Variants in CASZ1 observed in about 807,000 individuals in gnomAD.
CASZ1 encodes zinc finger protein castor homolog 1.
CASZ1 carries 28 observed loss-of-function variants against 135.2 expected under a neutral mutation model. The ratio of observed to expected loss-of-function variants is 0.21; its 90% confidence interval spans 0.15 to 0.28. The LOEUF is 0.28. CASZ1 is among the 10% of genes least tolerant of loss of function. The probability of loss-of-function intolerance (pLI) is 1.00; values close to 1 mark genes in which losing one functional copy is unlikely to be tolerated. For synonymous variants in CASZ1, 1,068 were observed against 1,073.4 expected (o/e 0.99, Z 0.10); for missense variants, 2,161 against 2,453.3 (o/e 0.88, Z 2.52).
intron 4 of CASZ1, among the ~76,000 whole-genome samples, chr1:10,687,188 A>G (rs1638620744): frequency 6.6e-6 from 1 of 152,054 alleles, no homozygotes; most frequent in Non-Finnish European, 1.5e-5. Context: ...GTCCCTCCCA[A>G]GGCCCCCTTA....
At chr1:10,650,460 G>GA (rs1642530844) in intron 13 of CASZ1, 2 of 428,358 alleles carry the variant, frequency 4.7e-6, no homozygotes, top group Non-Finnish European at 8.2e-6. Context: ...CATCTGAAGG[G>GA]AAAAAAAGGT....
intron 4 of CASZ1, among the ~76,000 whole-genome samples, chr1:10,675,607 G>C (rs905580554): frequency 6.6e-6 from 1 of 152,124 alleles, no homozygotes; most frequent in Non-Finnish European, 1.5e-5. Flanking sequence ...CCGACACTGC[G>C]GGCATTAGGA....
In CASZ1 at chr1:10,709,394, G is replaced by A. The variant is rs919329590; in HGVS notation, c.-76-3850C>T. On this transcript the variant is annotated intron_variant, in intron 2 of 20. Coordinates refer to ENST00000377022, the MANE Select transcript of CASZ1 (RefSeq NM_001079843.3). This position sits in a 1 kb window ranked among gnomAD's most constrained non-coding sequence, Gnocchi z 5.1. Reference sequence around the variant, plus strand: ...TCAGCCCGGCAGTGTGAGGAGGGGGGCGGCATAGACAACAGGGGCAGCGTC... The same window carrying A: ...TCAGCCCGGCAGTGTGAGGAGGGGGACGGCATAGACAACAGGGGCAGCGTC... Among the ~76,000 whole-genome samples the A allele has an allele frequency of 2.3e-4, 35 of 152,178 alleles. No individual in the cohort carries two copies. The highest frequency in any genetic ancestry group is 4.3e-4 in the Non-Finnish European group (29 of 68,034).
intron 2 of CASZ1, 52 bp downstream of exon 2, chr1:10,760,649 A>T (rs1294950889): frequency 6.6e-6 from 1 of 152,306 alleles, no homozygotes; most frequent in African/African-American, 2.4e-5. Flanking sequence ...GCAACCCCCA[A>T]ACTGGCCACC....
chr1:10,736,403 C>T (rs997189592), intron 2 of CASZ1, among the ~76,000 whole-genome samples: 4 of 152,188 alleles, frequency 2.6e-5, no homozygotes, highest in Admixed American at 6.5e-5. Flanking sequence ...ACCCCGAACC[C>T]GGGGAGTCCT....
intron 2 of CASZ1, among the ~76,000 whole-genome samples, chr1:10,745,390 A>G (rs1268372146): frequency 2.5e-5 from 3 of 120,710 alleles, no homozygotes; most frequent in African/African-American, 1.4e-4. Flanking sequence ...CCACAGTACC[A>G]GGGACACGAA....
At chr1:10,761,288 G>A (rs895074309) in intron 1 of CASZ1, among the ~76,000 whole-genome samples, 1 of 152,198 alleles carries the variant, frequency 6.6e-6, no homozygotes, top group Non-Finnish European at 1.5e-5. Flanking sequence ...GCTCCCCAAC[G>A]CCTGCTCCCT....
At chr1:10,773,872 G>A (rs1306003115) in intron 1 of CASZ1, among the ~76,000 whole-genome samples, 2 of 152,240 alleles carry the variant, frequency 1.3e-5, no homozygotes, top group African/African-American at 4.8e-5. Flanking sequence ...GCTGAGAAGA[G>A]GCCGCAGGGT....
rs144114370 is a variant in CASZ1 at position 10,653,933 on chromosome 1, C to G, written c.2124G>C (p.Ser708=). ...GCTCCGTGTCCTTGGCGCCCAGCAGCGAGGGCGGCAGCCCCAGCGCGCCCG... is the reference window on the plus strand; with the variant it reads ...GCTCCGTGTCCTTGGCGCCCAGCAGGGAGGGCGGCAGCCCCAGCGCGCCCG... ...RSSGALGLPP[S]LLGAKDTEHE... Residue 708 remains serine (S), a synonymous_variant, in exon 11 of 21, where the codon TCG becomes TCC. Coordinates refer to ENST00000377022, the MANE Select transcript of CASZ1 (RefSeq NM_001079843.3). 2.5e-6 allele frequency: 4 copies of G among 1,613,436 alleles called. No individual in the cohort carries two copies. The highest frequency in any genetic ancestry group is 3.4e-6 in the Non-Finnish European group (4 of 1,179,732).
intron 4 of CASZ1, among the ~76,000 whole-genome samples, chr1:10,670,775 T>C (rs1411646649): frequency 1.3e-5 from 2 of 152,254 alleles, no homozygotes; most frequent in Admixed American, 1.3e-4. Context: ...TCCTCCCTCC[T>C]CTACCTCACA....
chr1:10,742,849 G>A (rs1446060099), intron 2 of CASZ1, among the ~76,000 whole-genome samples: 1 of 152,126 alleles, frequency 6.6e-6, no homozygotes, highest in East Asian at 1.9e-4. Flanking sequence ...GCCAGGCATG[G>A]TGGCACACGC....
chr1:10,672,019 C>T (rs1643416914), intron 4 of CASZ1, among the ~76,000 whole-genome samples: 2 of 152,178 alleles, frequency 1.3e-5, no homozygotes, highest in African/African-American at 4.8e-5. Context: ...CTCCTGGCAT[C>T]TGCTCTAGGT....
At chr1:10,664,970 C>T (rs983337814) in intron 5 of CASZ1, 113 bp downstream of exon 5, 2 of 1,217,868 alleles carry the variant, frequency 1.6e-6, no homozygotes, top group South Asian at 2.5e-5. Context: ...GGATGAGGGG[C>T]CGGTATTTAG....
At position 10,725,724 on chromosome 1, in the gene CASZ1, T is replaced by G. The variant is rs528129160; in HGVS notation, c.-76-20180A>C. 9.9e-5 allele frequency among the ~76,000 whole-genome samples: 15 copies of G among 152,070 alleles called. 1 individual carries two copies. The highest frequency in any genetic ancestry group is 3.4e-4 in the African/African-American group (14 of 41,484). On this transcript the variant is annotated intron_variant, in intron 2 of 20. Transcript: ENST00000377022. The surrounding 1 kb of genome is among the most constrained non-coding windows in gnomAD (Gnocchi z 4.4). ...GCCAGGTTCTGGAAAGCCCTTTTTT[T>G]TTTTTTACTAGGAGACCCCAGAGAG...
rs551424936 is a variant in CASZ1, at chr1:10,719,331, C to T, written c.-76-13787G>A. ...TTTCTCTTCTATTTGAATCAAAAGC[C>T]CTCATTCTTTTGACCGTACCCCACT... On this transcript the variant is annotated intron_variant, in intron 2 of 20. Coordinates refer to ENST00000377022, the MANE Select transcript of CASZ1 (RefSeq NM_001079843.3). This position sits in a 1 kb window ranked among gnomAD's most constrained non-coding sequence, Gnocchi z 4.0. Among the ~76,000 whole-genome samples, 6 of 152,284 alleles carry T rather than the reference C, an allele frequency of 3.9e-5. No individual in the cohort carries two copies. The South Asian group carries it at 8.3e-4, about 21-fold the overall frequency.
At chr1:10,766,478 G>A (rs762293712) in intron 1 of CASZ1, among the ~76,000 whole-genome samples, 12 of 152,142 alleles carry the variant, frequency 7.9e-5, no homozygotes, top group Non-Finnish European at 7.3e-5. Context: ...AAGTACCCTC[G>A]ACCAAGTAGG....
chr1:10,694,234 G>A lies in CASZ1; in HGVS notation c.-23-322C>T, dbSNP rs546832506. Reference sequence around the variant, plus strand: ...GCCCCCGTCCCGCCGACCGCGCCCCGCGCCCGGGTCGCCGCCCGAGACCGC... The same window carrying A: ...GCCCCCGTCCCGCCGACCGCGCCCCACGCCCGGGTCGCCGCCCGAGACCGC... On this transcript the variant is annotated intron_variant, in intron 3 of 20. Transcript: ENST00000377022. This position sits in a 1 kb window ranked among gnomAD's most constrained non-coding sequence, Gnocchi z 6.6. The A allele has an allele frequency of 4.7e-5, 34 of 721,850 alleles. No homozygotes were observed. The African/African-American group carries it at 6.6e-4, about 14-fold the overall frequency. The allele number at this position is 721,850 out of a possible 1,614,324, so 44.7% of individuals were successfully genotyped here. A position where few individuals can be genotyped will look rare whatever the true frequency, so the allele number is the denominator to read the frequency against.
At chr1:10,730,116 T>C (rs1274903884) in intron 2 of CASZ1, among the ~76,000 whole-genome samples, 1 of 151,580 alleles carries the variant, frequency 6.6e-6, no homozygotes, top group African/African-American at 2.4e-5. Flanking sequence ...TATTTATTTA[T>C]TTATTTATTT....
chr1:10,691,534 C>T (rs1638767079), intron 4 of CASZ1, among the ~76,000 whole-genome samples: 1 of 152,260 alleles, frequency 6.6e-6, no homozygotes, highest in Non-Finnish European at 1.5e-5. Flanking sequence ...AGGCCTGCGC[C>T]CCTGGCCTTG....
Sources: gnomAD v4.1 joint callset for allele counts (sites outside exome capture counted in the v4.1 genomes callset) on GRCh38, gnomAD v4.1.1 for gene constraint, Gnocchi (gnomAD v3.1) non-coding constraint, MANE v1.5 for transcripts, NCBI Gene and HGNC (gene_info 2026-07-23, HGNC 2026-07-21) for gene names.